Variants in NGRN observed in about 807,000 individuals in gnomAD.
NGRN encodes neugrin, neurite outgrowth associated.
A neutral mutation model predicts 13.1 loss-of-function variants in NGRN; 12 were observed. The observed-to-expected ratio is 0.92, with a 90% confidence interval of 0.59 to 1.49. NGRN has a LOEUF of 1.49. NGRN is among the 40% of genes most tolerant of loss of function. The pLI is 0.00. For missense variants in NGRN, 397 were observed against 357.0 expected (o/e 1.11, Z -0.90); for synonymous variants, 149 against 145.8 (o/e 1.02, Z -0.16).
At chr15:90,269,470 A>T (rs1284967820) in intron 2 of NGRN, among the ~76,000 whole-genome samples, 1 of 151,730 alleles carries the variant, frequency 6.6e-6, no homozygotes, top group Admixed American at 6.6e-5. Flanking sequence ...TTCCCTTCTG[A>T]TCTTTTTTTC....
intron 2 of NGRN, among the ~76,000 whole-genome samples, chr15:90,270,043 C>T (rs1963482322): frequency 6.6e-6 from 1 of 152,194 alleles, no homozygotes; most frequent in Non-Finnish European, 1.5e-5. Context: ...CACTGAAAAA[C>T]TACCACTAGG....
In NGRN at chr15:90,271,215, C is replaced by T; in HGVS notation, c.303C>T (p.Ser101=). 5 of 1,613,938 alleles carry T rather than the reference C, an allele frequency of 3.1e-6. No homozygotes were observed. The highest frequency in any genetic ancestry group is 3.4e-6 in the Non-Finnish European group (4 of 1,179,946). ...ATTTACATGAGGAATTTCCAGAGTCCTGGTCAGTTCCCAGGTTGGCTGAAG... is the reference window on the plus strand; with the variant it reads ...ATTTACATGAGGAATTTCCAGAGTCTTGGTCAGTTCCCAGGTTGGCTGAAG... ...IRYLHEEFPE[S]WSVPRLAEGF... Residue 101 remains serine, a synonymous_variant, in exon 3 of 3, where the codon TCC becomes TCT. Transcript: ENST00000379095.
chr15:90,265,688 C>T lies in NGRN; in HGVS notation c.-25C>T, dbSNP rs375644505. On this transcript the variant is annotated 5_prime_UTR_variant, in exon 1 of 3. Transcript: ENST00000379095. ...ACTTCCGCTGCTGTTTCGTAGCCGA[C>T]TGCTGAAGGCTGGTTTGCGTCGACA... 1.4e-5 allele frequency: 22 copies of T among 1,612,684 alleles called. No individual in the cohort carries two copies. Among genetic ancestry groups the T allele is most frequent in the Non-Finnish European group, 1.8e-5 (21 of 1,179,688 alleles).
rs778554885 is a variant in NGRN at position 90,271,493 on chromosome 15, TAG to T, written c.584_585del (p.Glu195ValfsTer17). On this transcript the variant is annotated frameshift_variant, in exon 3 of 3. Coordinates refer to ENST00000379095, the MANE Select transcript of NGRN (RefSeq NM_001033088.3). LOFTEE classifies it low-confidence loss of function (END_TRUNC). ...AATCACAGCACAGCTTTGAAAGTGA[TAG>T]AGTCAGACACTCACAGGACAAATAC... 28 of 1,613,910 alleles carry T rather than the reference TAG, an allele frequency of 1.7e-5. No homozygotes were observed. The highest frequency in any genetic ancestry group is 2.2e-5 in the Non-Finnish European group (26 of 1,180,040).
intron 2 of NGRN, among the ~76,000 whole-genome samples, chr15:90,268,237 A>G (rs1963456601): frequency 6.6e-6 from 1 of 152,036 alleles, no homozygotes; most frequent in Non-Finnish European, 1.5e-5. Flanking sequence ...CCCTGACCTC[A>G]GGTGATCCAC....
chr15:90,269,189 G>T (rs12909030), intron 2 of NGRN, among the ~76,000 whole-genome samples: 119,984 of 122,762 alleles, frequency 0.98, 58,603 homozygotes, highest in South Asian at 0.99. Flanking sequence ...TTTTTTTTTG[G>T]ATTTTTAGTA....
At chr15:90,267,002 T>G (rs1226982367) in intron 2 of NGRN, among the ~76,000 whole-genome samples, 2 of 152,034 alleles carry the variant, frequency 1.3e-5, no homozygotes, top group East Asian at 3.8e-4. Context: ...TTGAGAATTA[T>G]TTGTCCCACC....
Position 90,271,432 on chromosome 15 carries a change from C to T in NGRN, c.520C>T (p.Leu174Phe), listed in dbSNP as rs11073922. 147,552 of 1,613,948 alleles carry T rather than the reference C, an allele frequency of 0.091. 7,348 individuals are homozygous for T. Among genetic ancestry groups the T allele is most frequent in the South Asian group, 0.1 (9,276 of 91,080 alleles). Residue 174 changes from leucine to phenylalanine, a missense_variant, in exon 3 of 3, where the codon CTT becomes TTT. Leu to Phe is a conservative substitution (Grantham distance 22). Coordinates refer to ENST00000379095, the MANE Select transcript of NGRN (RefSeq NM_001033088.3). Reference sequence around the variant, plus strand: ...AGGCCACTCTGTATCAGGCTCTTTGCTTATGCCAGGGCATGAAGCCTCATC... The same window carrying T: ...AGGCCACTCTGTATCAGGCTCTTTGTTTATGCCAGGGCATGAAGCCTCATC... ...PAGHSVSGSL[L>F]MPGHEASSKD... is the part of the protein sequence containing the mutation.
Position 90,266,406 on chromosome 15 carries a change from T to G in NGRN, c.275+8T>G. On this transcript the variant is annotated splice_region_variant and intron_variant, in intron 2 of 2. Coordinates refer to ENST00000379095, the MANE Select transcript of NGRN (RefSeq NM_001033088.3). The stretch of plus-strand genomic sequence containing the variant: ...AGCCATGGAGCAGATACGGTGAGAC[T>G]CAGGATACCTTGTTTGTATCCGCTG... The G allele has an allele frequency of 1.9e-6, 3 of 1,606,536 alleles. No individual in the cohort carries two copies. The highest frequency in any genetic ancestry group is 1.7e-6 in the Non-Finnish European group (2 of 1,175,580).
chr15:90,265,996 T>G lies in NGRN; in HGVS notation c.164+120T>G, dbSNP rs1193466084. ...CTTGCGCAGCGGCCCTTGTTTCTTCTTACCCGTTGTTAGGGGCGCAGCGTC... is the reference window on the plus strand; with the variant it reads ...CTTGCGCAGCGGCCCTTGTTTCTTCGTACCCGTTGTTAGGGGCGCAGCGTC... On this transcript the variant is annotated intron_variant, in intron 1 of 2. Transcript: ENST00000379095. 18 of 1,416,378 alleles carry G rather than the reference T, an allele frequency of 1.3e-5. No individual in the cohort carries two copies. In the East Asian group the frequency reaches 4.9e-4, roughly 38 times the overall value. 87.7% of individuals were successfully genotyped at this position (1,416,378 alleles called of 1,614,324 possible).
intron 2 of NGRN, among the ~76,000 whole-genome samples, chr15:90,269,956 T>C (rs1332719770): frequency 6.6e-6 from 1 of 152,248 alleles, no homozygotes; most frequent in Non-Finnish European, 1.5e-5. Context: ...CCTCCTATGC[T>C]CCATTGACTG....
At chr15:90,268,956 C>A (rs112452338) in intron 2 of NGRN, among the ~76,000 whole-genome samples, 7 of 94,012 alleles carry the variant, frequency 7.4e-5, no homozygotes, top group East Asian at 3.8e-4. Context: ...ACCCCCCCCC[C>A]CCCATTATTT....
chr15:90,266,545 A>G, intron 2 of NGRN, 147 bp downstream of exon 2: 1 of 644,636 alleles, frequency 1.6e-6, no homozygotes, highest in Non-Finnish European at 2.7e-6. Context: ...AAGTAGAGTA[A>G]TATAACGAAC....
Position 90,271,939 on chromosome 15 carries a change from A to G in NGRN, c.*151A>G. On this transcript the variant is annotated 3_prime_UTR_variant, in exon 3 of 3. Transcript: ENST00000379095. Reference sequence around the variant, plus strand: ...ACTGTGGGAGGAAAGAGCTGCGTGGATAGATTCAAACTTCCTGTGGTAGTG... The same window carrying G: ...ACTGTGGGAGGAAAGAGCTGCGTGGGTAGATTCAAACTTCCTGTGGTAGTG... 1 of 1,042,820 alleles carries G rather than the reference A, an allele frequency of 9.6e-7. No homozygotes were observed. Among genetic ancestry groups the G allele is most frequent in the Non-Finnish European group, 1.4e-6 (1 of 732,676 alleles). 64.6% of individuals were successfully genotyped at this position (1,042,820 alleles called of 1,614,324 possible).
chr15:90,271,515 A>C lies in NGRN; in HGVS notation c.603A>C (p.Thr201=), dbSNP rs764622782. 6.2e-7 allele frequency: 1 copy of C among 1,614,122 alleles called. No homozygotes were observed. The highest frequency in any genetic ancestry group is 1.1e-5 in the South Asian group (1 of 91,084). Residue 201 remains threonine (T), a synonymous_variant, in exon 3 of 3, where the codon ACA becomes ACC. Transcript: ENST00000379095. ...TGATAGAGTCAGACACTCACAGGAC[A>C]AATACACCAAGGAGAAGGAAGGGAA... ...LKVIESDTHR[T]NTPRRRKGRN... is the part of the protein sequence containing the mutation.
intron 1 of NGRN, 138 bp from the exon 2 acceptor site, chr15:90,266,150 C>T: frequency 6.8e-7 from 1 of 1,471,086 alleles, no homozygotes. Flanking sequence ...TACGGAGCAG[C>T]TCTAAGCCGG....
In NGRN at chr15:90,271,117, A is replaced by G. The variant is rs181165506; in HGVS notation, c.276-71A>G. ...GGCCTCAACCCCTCTTCTTTATCATAGGTATTGCGAGTTAGATGTTCTGAT... is the reference window on the plus strand; with the variant it reads ...GGCCTCAACCCCTCTTCTTTATCATGGGTATTGCGAGTTAGATGTTCTGAT... On this transcript the variant is annotated intron_variant, in intron 2 of 2. Coordinates refer to ENST00000379095, the MANE Select transcript of NGRN (RefSeq NM_001033088.3). The G allele has an allele frequency of 3.7e-5, 56 of 1,524,734 alleles. No homozygotes were observed. In the Admixed American group the frequency reaches 7.3e-4, roughly 20 times the overall value. 94.5% of individuals were successfully genotyped at this position (1,524,734 alleles called of 1,614,324 possible). A position where few individuals can be genotyped will look rare whatever the true frequency, so the allele number is the denominator to read the frequency against.
chr15:90,271,632 T>C lies in NGRN; in HGVS notation c.720T>C (p.Asp240=). ...GAGAGCTGCAGAAGTACTCCAGTGA[T>C]TCTGAGAGCCCCAGAGGAACTGGCA... is the stretch of plus-strand genomic sequence containing the variant. ...HPRELQKYSS[D]SESPRGTGSG... The change falls in exon 3 of 3, where the codon GAT becomes GAC. Residue 240 remains aspartate, a synonymous_variant. Coordinates refer to ENST00000379095, the MANE Select transcript of NGRN (RefSeq NM_001033088.3). The C allele has an allele frequency of 6.2e-7, 1 of 1,614,170 alleles. No homozygotes were observed. The highest frequency in any genetic ancestry group is 8.5e-7 in the Non-Finnish European group (1 of 1,180,046).
In NGRN at chr15:90,271,424, G is replaced by C. The variant is rs932786281; in HGVS notation, c.512G>C (p.Gly171Ala). The C allele has an allele frequency of 6.2e-7, 1 of 1,613,888 alleles. No homozygotes were observed. Among genetic ancestry groups the C allele is most frequent in the African/African-American group, 1.3e-5 (1 of 74,916 alleles). Residue 171 changes from glycine to alanine, a missense_variant, in exon 3 of 3, where the codon GGC becomes GCC. By Grantham distance (60) the Gly-to-Ala change is moderately conservative (BLOSUM62 0). Coordinates refer to ENST00000379095, the MANE Select transcript of NGRN (RefSeq NM_001033088.3). ...KLLPAGHSVS[G>A]SLLMPGHEAS... ...CTCCCTGCAGGCCACTCTGTATCAG[G>C]CTCTTTGCTTATGCCAGGGCATGAA...
Sources: allele counts gnomAD v4.1 joint callset (sites outside exome capture counted in the v4.1 genomes callset), GRCh38; gene constraint gnomAD v4.1.1; transcripts MANE v1.5; gene names NCBI Gene and HGNC (gene_info 2026-07-23, HGNC 2026-07-21).